GABARAPL2: variants seen among roughly 807,000 people sequenced by gnomAD.
GABARAPL2 encodes the protein GABA type A receptor associated protein like 2.
Under a neutral mutation model 16.9 loss-of-function variants are expected in GABARAPL2, and 11 were observed. That is an observed-to-expected ratio of 0.65 (90% confidence interval 0.41 to 1.08). The LOEUF (loss-of-function observed/expected upper bound fraction) is 1.08, where lower values mean the gene tolerates loss of function less well. GABARAPL2 is among the 50% of genes least tolerant of loss of function. The pLI is 0.00. For missense variants in GABARAPL2, 134 were observed against 142.5 expected (o/e 0.94, Z 0.30); for synonymous variants, 57 against 50.7 (o/e 1.12, Z -0.53).
rs530632922 is a variant in GABARAPL2 at position 75,570,406 on chromosome 16, C to T, written c.263+2197C>T. 1.9e-4 allele frequency among the ~76,000 whole-genome samples: 29 copies of T among 152,308 alleles called. No individual in the cohort carries two copies. In the South Asian group the frequency reaches 6.0e-3, roughly 32 times the overall value. ...GTGATTCAGCTTCACCATCTCTTCCCCAAGACAATTTAGCAGCCTCTTCCT... is the reference window on the plus strand; with the variant it reads ...GTGATTCAGCTTCACCATCTCTTCCTCAAGACAATTTAGCAGCCTCTTCCT... On this transcript the variant is annotated intron_variant, in intron 3 of 3. Transcript: ENST00000037243.
chr16:75,566,431 G>T lies in GABARAPL2; in HGVS notation c.-56G>T. 1 of 1,344,576 alleles carries T rather than the reference G, an allele frequency of 7.4e-7. No individual in the cohort carries two copies. Among genetic ancestry groups the T allele is most frequent in the African/African-American group, 1.5e-5 (1 of 67,290 alleles). The allele number at this position is 1,344,576 out of a possible 1,614,324, so 83.3% of individuals were successfully genotyped here. A position where few individuals can be genotyped will look rare whatever the true frequency, so the allele number is the denominator to read the frequency against. On this transcript the variant is annotated 5_prime_UTR_variant, in exon 1 of 4. Coordinates refer to ENST00000037243, the MANE Select transcript of GABARAPL2 (RefSeq NM_007285.7). ...TGCCGCCGTCGTTGTTGTTGTGCTC[G>T]GTGCGCTGAGCTCCGCGGCTCCGCG...
chr16:75,567,976 C>T, intron 2 of GABARAPL2, 61 bp from the exon 3 acceptor site: 1 of 1,333,528 alleles, frequency 7.5e-7, no homozygotes. Context: ...AGCTCCTCAG[C>T]CATGTGAGGC....
chr16:75,571,853 T>C (rs756899826), intron 3 of GABARAPL2, among the ~76,000 whole-genome samples: 6 of 152,004 alleles, frequency 3.9e-5, no homozygotes, highest in Admixed American at 3.9e-4. Flanking sequence ...TTTTTTTGTA[T>C]TTTTAGTAGA....
At chr16:75,574,188 C>T (rs1032043791) in intron 3 of GABARAPL2, among the ~76,000 whole-genome samples, 31 of 152,148 alleles carry the variant, frequency 2.0e-4, no homozygotes, top group African/African-American at 7.2e-4. Flanking sequence ...TATTGTTCAC[C>T]CTGGATAGCA....
At position 75,577,280 on chromosome 16, in the gene GABARAPL2, C is replaced by T; in HGVS notation, c.265C>T (p.Leu89=). 1 of 1,598,198 alleles carries T rather than the reference C, an allele frequency of 6.3e-7. No individual in the cohort carries two copies. The highest frequency in any genetic ancestry group is 8.6e-7 in the Non-Finnish European group (1 of 1,165,530). ...FVDKTVPQSS[L]TMGQLYEKEK... The stretch of plus-strand genomic sequence containing the variant: ...ACGTTTTTGTTTTTCTCTTTCAAGC[C>T]TAACTATGGGACAGCTTTACGAGAA... Residue 89 remains leucine (L), a splice_region_variant and synonymous_variant, in exon 4 of 4, where the codon CTA becomes TTA. Transcript: ENST00000037243.
At chr16:75,574,804 C>A (rs2080938109) in intron 3 of GABARAPL2, among the ~76,000 whole-genome samples, 1 of 146,600 alleles carries the variant, frequency 6.8e-6, no homozygotes, top group African/African-American at 2.6e-5. Context: ...CACGGTGGCT[C>A]ACCTGAGGTC....
At chr16:75,569,644 G>GT (rs1322093594) in intron 3 of GABARAPL2, among the ~76,000 whole-genome samples, 1 of 152,190 alleles carries the variant, frequency 6.6e-6, no homozygotes, top group African/African-American at 2.4e-5. Flanking sequence ...ATGGCATTGA[G>GT]TTTATTTTCC....
intron 3 of GABARAPL2, among the ~76,000 whole-genome samples, chr16:75,573,317 G>A (rs1392439980): frequency 6.6e-6 from 1 of 152,182 alleles, no homozygotes; most frequent in South Asian, 2.1e-4. Flanking sequence ...TTGGCTGCAG[G>A]CCAAATTATT....
intron 2 of GABARAPL2, 77 bp downstream of exon 2, chr16:75,566,984 A>T (rs1597056986): frequency 3.2e-6 from 4 of 1,233,272 alleles, no homozygotes; most frequent in South Asian, 1.2e-5. Context: ...AGGCCATTCA[A>T]CAGTTGACAA....
intron 3 of GABARAPL2, among the ~76,000 whole-genome samples, chr16:75,572,922 C>G (rs1278011038): frequency 1.3e-5 from 2 of 152,230 alleles, no homozygotes; most frequent in East Asian, 1.9e-4. Context: ...TTCAGGTGTT[C>G]TCTACAGCCA....
chr16:75,574,735 G>C (rs949172452), intron 3 of GABARAPL2, among the ~76,000 whole-genome samples: 5 of 151,000 alleles, frequency 3.3e-5, no homozygotes, highest in African/African-American at 1.2e-4. Context: ...ATTTCCCTTT[G>C]CAACCTGGCT....
rs2080957968 is a variant in GABARAPL2, at chr16:75,577,658, G to A, written c.*289G>A. ...ATATTTCTATATCGAAGTGAGGTAGGTGCGGTATTAAAGTGAAAGGGAAGG... is the reference window on the plus strand; with the variant it reads ...ATATTTCTATATCGAAGTGAGGTAGATGCGGTATTAAAGTGAAAGGGAAGG... On this transcript the variant is annotated 3_prime_UTR_variant, in exon 4 of 4. Coordinates refer to ENST00000037243, the MANE Select transcript of GABARAPL2 (RefSeq NM_007285.7). 1 of 274,738 alleles carries A rather than the reference G, an allele frequency of 3.6e-6. No individual in the cohort carries two copies. The highest frequency in any genetic ancestry group is 4.8e-5 in the Admixed American group (1 of 21,032). 17.0% of individuals were successfully genotyped at this position (274,738 alleles called of 1,614,324 possible).
chr16:75,576,652 A>G (rs890927988), intron 3 of GABARAPL2: 2 of 152,392 alleles, frequency 1.3e-5, no homozygotes, highest in African/African-American at 4.8e-5. Context: ...GCACAGAACT[A>G]GATTAGGTCT....
Position 75,577,411 on chromosome 16 carries a change from C to A in GABARAPL2, c.*42C>A. The A allele has an allele frequency of 8.6e-7, 1 of 1,159,164 alleles. No homozygotes were observed. Among genetic ancestry groups the A allele is most frequent in the Non-Finnish European group, 1.3e-6 (1 of 764,564 alleles). The allele number at this position is 1,159,164 out of a possible 1,614,324, so 71.8% of individuals were successfully genotyped here. A position where few individuals can be genotyped will look rare whatever the true frequency, so the allele number is the denominator to read the frequency against. On this transcript the variant is annotated 3_prime_UTR_variant, in exon 4 of 4. Coordinates refer to ENST00000037243, the MANE Select transcript of GABARAPL2 (RefSeq NM_007285.7). ...AGGTGCACCGTAACTGCTTGTGTAT[C>A]TTGTAAATAGCCAGCCATTTTCAGT...
At chr16:75,571,089 ATTG>A (rs778956213) in intron 3 of GABARAPL2, among the ~76,000 whole-genome samples, 1 of 152,146 alleles carries the variant, frequency 6.6e-6, no homozygotes, top group Non-Finnish European at 1.5e-5. Flanking sequence ...ATTATTTTTT[ATTG>A]TTGTTGAGAC....
chr16:75,575,172 C>T (rs548830872), intron 3 of GABARAPL2, among the ~76,000 whole-genome samples: 3 of 152,286 alleles, frequency 2.0e-5, no homozygotes, highest in East Asian at 1.9e-4. Context: ...CGTTGTTCCT[C>T]CCTCTACCCA....
At chr16:75,575,639 A>G (rs984388555) in intron 3 of GABARAPL2, 1 of 152,112 alleles carries the variant, frequency 6.6e-6, no homozygotes, top group Non-Finnish European at 1.5e-5. Context: ...TTTAGTAGAG[A>G]CGGGGTTTCA....
chr16:75,570,999 A>G, intron 3 of GABARAPL2, among the ~76,000 whole-genome samples: 1 of 152,254 alleles, frequency 6.6e-6, no homozygotes, highest in Admixed American at 6.5e-5. Context: ...TTGTTTGTTT[A>G]GAACATAGAT....
rs994933427 is a variant in GABARAPL2 at position 75,566,382 on chromosome 16, CGCCGCCGTCGCTGCCGCTGCCGCT to C, written c.-94_-71del. On this transcript the variant is annotated 5_prime_UTR_variant, in exon 1 of 4. Coordinates refer to ENST00000037243, the MANE Select transcript of GABARAPL2 (RefSeq NM_007285.7). ...CCGGAAGTCCCGCCTGCCGTGTAGT[CGCCGCCGTCGCTGCCGCTGCCGCT>C]GCCGCCGTCGTTGTTGTTGTGCTCG... is the stretch of plus-strand genomic sequence containing the variant. The C allele has an allele frequency of 5.6e-5, 46 of 827,452 alleles. No homozygotes were observed. The East Asian group carries it at 9.5e-4, about 17-fold the overall frequency. 51.3% of individuals were successfully genotyped at this position (827,452 alleles called of 1,614,324 possible).
Sources: gnomAD v4.1 joint callset for allele counts (sites outside exome capture counted in the v4.1 genomes callset) on GRCh38, gnomAD v4.1.1 for gene constraint, MANE v1.5 for transcripts, NCBI Gene and HGNC (gene_info 2026-07-23, HGNC 2026-07-21) for gene names.